Variants in AUTS2 observed in about 807,000 individuals in gnomAD.
The protein encoded by AUTS2 is autism susceptibility gene 2 protein.
AUTS2 carries 17 observed loss-of-function variants against 112.4 expected under a neutral mutation model. The observed-to-expected ratio is 0.15, with a 90% confidence interval of 0.10 to 0.23. The LOEUF is 0.23. AUTS2 is among the 10% of genes least tolerant of loss of function. AUTS2 has a pLI of 1.00. For missense variants in AUTS2, 1,510 were observed against 1,701.6 expected (o/e 0.89, Z 1.98); for synonymous variants, 751 against 702.7 (o/e 1.07, Z -1.09).
chr7:70,717,595 C>T (rs1030436876), intron 6 of AUTS2, among the ~76,000 whole-genome samples: 2 of 152,110 alleles, frequency 1.3e-5, no homozygotes, highest in African/African-American at 2.4e-5. Flanking sequence ...CTTTAAAAAG[C>T]GTGATAGATA....
chr7:69,987,260 T>G (rs1388229118), intron 2 of AUTS2, among the ~76,000 whole-genome samples: 1 of 151,852 alleles, frequency 6.6e-6, no homozygotes, highest in Non-Finnish European at 1.5e-5. Context: ...GTAGGAAGAC[T>G]TTTGTAGATT....
chr7:70,734,658 A>G (rs1787677493), intron 6 of AUTS2, among the ~76,000 whole-genome samples: 1 of 152,120 alleles, frequency 6.6e-6, no homozygotes, highest in Non-Finnish European at 1.5e-5. Context: ...CACTGAATAG[A>G]TTAGTCAGAG....
chr7:69,803,907 CTG>C (rs1218824023), intron 1 of AUTS2, among the ~76,000 whole-genome samples: 1 of 152,164 alleles, frequency 6.6e-6, no homozygotes, highest in Non-Finnish European at 1.5e-5. Context: ...TTCCAGGCAC[CTG>C]TGGTTCCAGC....
intron 2 of AUTS2, among the ~76,000 whole-genome samples, chr7:69,927,764 G>A (rs1026067099): frequency 3.9e-5 from 6 of 152,248 alleles, no homozygotes; most frequent in African/African-American, 1.4e-4. Flanking sequence ...CCGGCCCCAT[G>A]TGAGGCTGTG....
chr7:70,543,253 G>A (rs936098026), intron 5 of AUTS2, among the ~76,000 whole-genome samples: 5 of 152,162 alleles, frequency 3.3e-5, no homozygotes, highest in African/African-American at 4.8e-5. Context: ...TGTAACCCCA[G>A]CACTTTGGGA....
chr7:70,403,110 G>A (rs988240185), intron 4 of AUTS2, among the ~76,000 whole-genome samples: 3 of 152,204 alleles, frequency 2.0e-5, no homozygotes, highest in Non-Finnish European at 2.9e-5. Flanking sequence ...TTACGGGAAA[G>A]GTACCCTAGC....
chr7:70,694,997 C>A lies in AUTS2; in HGVS notation c.691-3572C>A. ...CCCTTCGGGAGCCCTGCTAAAGAAC[C>A]AAACCATGAACTTGGGGCTGACCGG... On this transcript the variant is annotated intron_variant, in intron 5 of 18. Transcript: ENST00000342771. This position sits in a 1 kb window ranked among gnomAD's most constrained non-coding sequence, Gnocchi z 4.1. The A allele has an allele frequency of 6.6e-6, 1 of 152,410 alleles. No individual in the cohort carries two copies. Among genetic ancestry groups the A allele is most frequent in the Non-Finnish European group, 1.5e-5 (1 of 68,110 alleles). The allele number at this position is 152,410 out of a possible 1,614,324, so 9.4% of individuals were successfully genotyped here.
intron 4 of AUTS2, among the ~76,000 whole-genome samples, chr7:70,171,295 G>A (rs998186170): frequency 1.3e-5 from 2 of 152,216 alleles, no homozygotes; most frequent in African/African-American, 4.8e-5. Flanking sequence ...CACAGTGGAA[G>A]CGAATTCTTC....
intron 4 of AUTS2, among the ~76,000 whole-genome samples, chr7:70,357,789 A>G (rs1182093451): frequency 1.3e-5 from 2 of 152,242 alleles, no homozygotes; most frequent in Non-Finnish European, 2.9e-5. Context: ...GTGTTAAAAT[A>G]GGGAAGAAAG....
At chr7:70,133,659 T>C (rs1390058889) in intron 3 of AUTS2, among the ~76,000 whole-genome samples, 1 of 152,126 alleles carries the variant, frequency 6.6e-6, no homozygotes, top group Non-Finnish European at 1.5e-5. Flanking sequence ...CAGCATTTGC[T>C]TCACCTTCAT....
chr7:70,016,668 AT>A (rs1011719036), intron 2 of AUTS2, among the ~76,000 whole-genome samples: 4,183 of 140,518 alleles, frequency 0.03, 69 homozygotes, highest in South Asian at 0.062. Context: ...GCCTTGACAG[AT>A]TTTTTTTTTT....
At chr7:69,983,408 T>G (rs1376643026) in intron 2 of AUTS2, among the ~76,000 whole-genome samples, 1 of 152,032 alleles carries the variant, frequency 6.6e-6, no homozygotes. Flanking sequence ...CTTTATTCTC[T>G]CAAGTTATTG....
chr7:70,753,460 A>C (rs915545047), intron 6 of AUTS2, among the ~76,000 whole-genome samples: 2 of 152,280 alleles, frequency 1.3e-5, no homozygotes, highest in East Asian at 3.9e-4. Context: ...GCAGTGTTTG[A>C]AAATTAATTT....
intron 2 of AUTS2, among the ~76,000 whole-genome samples, chr7:69,969,733 C>G (rs938390367): frequency 1.3e-5 from 2 of 152,104 alleles, no homozygotes; most frequent in African/African-American, 4.8e-5. Flanking sequence ...TGGAATTTCC[C>G]TCACTATCTT....
intron 2 of AUTS2, among the ~76,000 whole-genome samples, chr7:70,009,360 A>C (rs746259156): frequency 1.4e-4 from 22 of 152,196 alleles, no homozygotes; most frequent in Non-Finnish European, 2.4e-4. Flanking sequence ...AACTTTGGGG[A>C]CATGGTTAAA....
In AUTS2 at chr7:70,324,040, C is replaced by T. The variant is rs558310687; in HGVS notation, c.661-111712C>T. 5.3e-4 allele frequency among the ~76,000 whole-genome samples: 81 copies of T among 152,262 alleles called. 1 individual carries two copies. The highest frequency in any genetic ancestry group is 6.5e-5 in the Admixed American group (1 of 15,288). On this transcript the variant is annotated intron_variant, in intron 4 of 18. Coordinates refer to ENST00000342771, the MANE Select transcript of AUTS2 (RefSeq NM_015570.4). ...GGCGTAAAGGCAGGCCTCCTCCTCC[C>T]GCCTTGGACAAAAGAGGAGCTATTT...
chr7:69,661,917 G>T (rs1397185057), intron 1 of AUTS2, among the ~76,000 whole-genome samples: 1 of 152,188 alleles, frequency 6.6e-6, no homozygotes, highest in Non-Finnish European at 1.5e-5. Flanking sequence ...TAGCATGAGG[G>T]TTAGGAGAAA....
At chr7:70,016,721 G>T (rs1327322583) in intron 2 of AUTS2, among the ~76,000 whole-genome samples, 1 of 150,014 alleles carries the variant, frequency 6.7e-6, no homozygotes, top group East Asian at 2.0e-4. Flanking sequence ...GGGCTGGAGT[G>T]CAGTAGCTCG....
intron 14 of AUTS2, among the ~76,000 whole-genome samples, chr7:70,780,311 C>T (rs565700233): frequency 6.6e-6 from 1 of 152,132 alleles, no homozygotes; most frequent in Non-Finnish European, 1.5e-5. Flanking sequence ...GATTAAGACC[C>T]AATTTCTACT....
Sources: allele counts gnomAD v4.1 joint callset (sites outside exome capture counted in the v4.1 genomes callset), GRCh38; gene constraint gnomAD v4.1.1; non-coding constraint Gnocchi (gnomAD v3.1); transcripts MANE v1.5; gene names NCBI Gene and HGNC (gene_info 2026-07-23, HGNC 2026-07-21).